CALN1: variants seen among roughly 807,000 people sequenced by gnomAD.
CALN1 encodes the protein calneuron 1, also known as calcium-binding protein 8.
CALN1 carries 17 observed loss-of-function variants against 30.6 expected under a neutral mutation model. The observed-to-expected ratio is 0.56, with a 90% CI of 0.38 to 0.83. The LOEUF is 0.83. Ranked by LOEUF, CALN1 falls within the 40% of genes least tolerant of loss-of-function variation. The pLI is 0.00. For synonymous variants in CALN1, 156 were observed against 131.4 expected (o/e 1.19, Z -1.28); for missense variants, 291 against 354.9 (o/e 0.82, Z 1.45).
chr7:72,024,467 C>T (rs772469999), intron 4 of CALN1, among the ~76,000 whole-genome samples: 1 of 152,036 alleles, frequency 6.6e-6, no homozygotes, highest in African/African-American at 2.4e-5. Context: ...GGCGTGATCT[C>T]GGCTCACTGC....
chr7:72,210,872 G>A (rs1792341677), intron 3 of CALN1, among the ~76,000 whole-genome samples: 1 of 151,722 alleles, frequency 6.6e-6, no homozygotes, highest in Non-Finnish European at 1.5e-5. Flanking sequence ...GAAAGATGAT[G>A]AGCCCCGGTC....
At chr7:71,950,350 A>G (rs921261508) in intron 5 of CALN1, among the ~76,000 whole-genome samples, 2 of 152,196 alleles carry the variant, frequency 1.3e-5, no homozygotes, top group Admixed American at 1.3e-4. Context: ...CCACAGATAC[A>G]TGGAAGGGTT....
In CALN1 at chr7:72,032,447, T is replaced by C. The variant is rs533424915; in HGVS notation, c.389-8678A>G. Among the ~76,000 whole-genome samples the C allele has an allele frequency of 1.1e-4, 17 of 152,124 alleles. 1 individual carries two copies. In the South Asian group the frequency reaches 3.5e-3, roughly 32 times the overall value. On this transcript the variant is annotated intron_variant, in intron 4 of 6. Transcript: ENST00000395275. ...CTCATGTGATCCTCCCACCTCAGCT[T>C]CCCAAAGCACTGGGATTACAAGCGT... is the stretch of plus-strand genomic sequence containing the variant.
At chr7:72,387,611 C>A (rs1004167553) in intron 2 of CALN1, among the ~76,000 whole-genome samples, 2 of 152,152 alleles carry the variant, frequency 1.3e-5, no homozygotes, top group Admixed American at 6.5e-5. Flanking sequence ...ACACCCATCA[C>A]CCCAGTCTAA....
intron 3 of CALN1, among the ~76,000 whole-genome samples, chr7:72,144,598 G>C (rs1326303644): frequency 6.6e-6 from 1 of 152,092 alleles, no homozygotes; most frequent in East Asian, 1.9e-4. Flanking sequence ...TCCAGGAATT[G>C]AACTCAGCTC....
rs185868247 is a variant in CALN1, at chr7:71,856,214, T to A, written c.502-45722A>T. 1.8e-3 allele frequency among the ~76,000 whole-genome samples: 276 copies of A among 151,632 alleles called. 1 individual carries two copies. Among genetic ancestry groups the A allele is most frequent in the Middle Eastern group, 3.5e-3 (1 of 284 alleles). Reference sequence around the variant, plus strand: ...ATATGTAAATATACATATATATTTATAAATATACATATACATATATTTAAA... The same window carrying A: ...ATATGTAAATATACATATATATTTAAAAATATACATATACATATATTTAAA... On this transcript the variant is annotated intron_variant, in intron 5 of 6. Transcript: ENST00000395275.
intron 2 of CALN1, among the ~76,000 whole-genome samples, chr7:72,283,168 TCTC>T (rs1177222450): frequency 2.0e-5 from 3 of 152,118 alleles, no homozygotes; most frequent in Non-Finnish European, 4.4e-5. Flanking sequence ...TGTAAGCCTG[TCTC>T]CTCTTCTGTA....
intron 3 of CALN1, among the ~76,000 whole-genome samples, chr7:72,136,801 T>A (rs1396166569): frequency 1.3e-5 from 2 of 152,054 alleles, no homozygotes; most frequent in African/African-American, 2.4e-5. Flanking sequence ...GGAATAGGGA[T>A]CCCCAAGGAG....
At chr7:72,178,091 C>T (rs1323739415) in intron 3 of CALN1, among the ~76,000 whole-genome samples, 1 of 152,144 alleles carries the variant, frequency 6.6e-6, no homozygotes, top group Non-Finnish European at 1.5e-5. Context: ...GCATTCAACT[C>T]AAATCACATC....
intron 2 of CALN1, among the ~76,000 whole-genome samples, chr7:72,359,519 T>C (rs1002030791): frequency 3.3e-5 from 5 of 152,172 alleles, no homozygotes; most frequent in African/African-American, 9.7e-5. Context: ...CACATGTACA[T>C]ATAGTGAGGT....
intron 3 of CALN1, among the ~76,000 whole-genome samples, chr7:72,261,105 C>T (rs1006412872): frequency 4.6e-5 from 7 of 152,044 alleles, no homozygotes; most frequent in African/African-American, 1.2e-4. Flanking sequence ...GTCAGGAGTT[C>T]GAGACCAGCT....
At chr7:72,198,586 A>C (rs1791199532) in intron 3 of CALN1, among the ~76,000 whole-genome samples, 2 of 150,214 alleles carry the variant, frequency 1.3e-5, no homozygotes, top group African/African-American at 4.9e-5. Context: ...TGCTATAACC[A>C]CCCCCCACCC....
chr7:72,033,799 G>A (rs147810436), intron 4 of CALN1, among the ~76,000 whole-genome samples: 7 of 152,288 alleles, frequency 4.6e-5, no homozygotes, highest in Non-Finnish European at 8.8e-5. Flanking sequence ...GTATGAAAGC[G>A]CCAGAACTTT....
intron 5 of CALN1, among the ~76,000 whole-genome samples, chr7:71,824,258 C>G (rs1788779063): frequency 6.6e-6 from 1 of 152,146 alleles, no homozygotes; most frequent in Non-Finnish European, 1.5e-5. Flanking sequence ...TCTATTTGCT[C>G]CACAGCCCAG....
chr7:72,080,582 A>C (rs567146522), intron 4 of CALN1, among the ~76,000 whole-genome samples: 91 of 152,308 alleles, frequency 6.0e-4, no homozygotes, highest in East Asian at 5.8e-4. Context: ...AAGCAGGATA[A>C]GACAGTCCCT....
At position 71,936,939 on chromosome 7, in the gene CALN1, C is replaced by T. The variant is rs1795867680; in HGVS notation, c.501+86718G>A. On this transcript the variant is annotated intron_variant, in intron 5 of 6. Coordinates refer to ENST00000395275, the MANE Select transcript of CALN1 (RefSeq NM_031468.4). ...TCTCCCTCATTTTCTCTTGCTGCCACCATATAAGAAGTGCCTTTCATCTCC... is the reference window on the plus strand; with the variant it reads ...TCTCCCTCATTTTCTCTTGCTGCCATCATATAAGAAGTGCCTTTCATCTCC... Among the ~76,000 whole-genome samples, 3 of 151,814 alleles carry T rather than the reference C, an allele frequency of 2.0e-5. No homozygotes were observed. The South Asian group carries it at 6.2e-4, about 31-fold the overall frequency.
intron 4 of CALN1, among the ~76,000 whole-genome samples, chr7:72,088,739 A>AG (rs1805651704): frequency 6.7e-6 from 1 of 149,174 alleles, no homozygotes; most frequent in African/African-American, 2.5e-5. Flanking sequence ...AGAAGAAGGA[A>AG]GGAAGGGAAG....
In CALN1 at chr7:72,232,650, G is replaced by A. The variant is rs185784498; in HGVS notation, c.244+46036C>T. On this transcript the variant is annotated intron_variant, in intron 3 of 6. Coordinates refer to ENST00000395275, the MANE Select transcript of CALN1 (RefSeq NM_031468.4). ...AATTATTATATTTTTAGTACAGACA[G>A]GGTTTCGCCATGTTGGCCAGGCTGG... 8.5e-3 allele frequency among the ~76,000 whole-genome samples: 1,293 copies of A among 152,260 alleles called. 19 individuals are homozygous for A. Among genetic ancestry groups the A allele is most frequent in the African/African-American group, 0.028 (1,155 of 41,540 alleles).
chr7:72,306,453 T>C (rs989353789), intron 2 of CALN1, among the ~76,000 whole-genome samples: 15 of 152,146 alleles, frequency 9.9e-5, no homozygotes, highest in African/African-American at 2.9e-4. Flanking sequence ...ATTTCCTTTC[T>C]ATGGAACCCA....
Sources: allele counts gnomAD v4.1 joint callset (sites outside exome capture counted in the v4.1 genomes callset), GRCh38; gene constraint gnomAD v4.1.1; transcripts MANE v1.5; gene names NCBI Gene and HGNC (gene_info 2026-07-23, HGNC 2026-07-21).